Variants in FHIT observed in about 807,000 individuals in gnomAD.
FHIT encodes the protein fragile histidine triad diadenosine triphosphatase.
A neutral mutation model predicts 17.9 loss-of-function variants in FHIT; 19 were observed. The observed-to-expected ratio is 1.06, with a 90% CI of 0.74 to 1.56. The LOEUF (loss-of-function observed/expected upper bound fraction) is 1.56, where lower values mean the gene tolerates loss of function less well. Among genes scored for constraint, FHIT ranks in the 40% most tolerant of loss-of-function variants. The pLI is 0.00. For synonymous variants in FHIT, 81 were observed against 69.7 expected, an observed-to-expected ratio of 1.16 and a Z score of -0.81; for missense variants, 248 against 189.2, an observed-to-expected ratio of 1.31 and a Z score of -1.82.
intron 1 of FHIT, among the ~76,000 whole-genome samples, chr3:61,205,349 G>A (rs1003194231): frequency 6.6e-6 from 1 of 152,122 alleles, no homozygotes; most frequent in African/African-American, 2.4e-5. Flanking sequence ...TAATGAGATG[G>A]CTGAGTCAAA....
At position 60,734,124 on chromosome 3, in the gene FHIT, T is replaced by C. The variant is rs552946186; in HGVS notation, c.-18+87795A>G. Among the ~76,000 whole-genome samples, 39 of 152,292 alleles carry C rather than the reference T, an allele frequency of 2.6e-4. No homozygotes were observed. In the South Asian group the frequency reaches 6.2e-3, roughly 24 times the overall value. ...AAGATGTAAGCAGGGATGGAAAATA[T>C]ACAATGCAAGCGCCATTGTTTCACT... On this transcript the variant is annotated intron_variant, in intron 4 of 9. Coordinates refer to ENST00000492590, the MANE Select transcript of FHIT (RefSeq NM_002012.4).
chr3:60,488,563 TG>T (rs1321834866), intron 5 of FHIT, among the ~76,000 whole-genome samples: 6 of 152,110 alleles, frequency 3.9e-5, no homozygotes, highest in Admixed American at 3.9e-4. Context: ...TAGAAAGGTC[TG>T]GGGGCCATGA....
chr3:60,348,772 G>C (rs977786698), intron 5 of FHIT, among the ~76,000 whole-genome samples: 2 of 152,196 alleles, frequency 1.3e-5, no homozygotes, highest in Non-Finnish European at 2.9e-5. Flanking sequence ...AATGGACTTG[G>C]AAAGAGACTT....
Position 59,774,341 on chromosome 3 carries a change from G to C in FHIT, c.349-22020C>G, listed in dbSNP as rs75289336. On this transcript the variant is annotated intron_variant, in intron 8 of 9. Transcript: ENST00000492590. ...AATATTTACCATCTGGCCCTTTTTAGAGAAAGTATGCAGACCCCAGTCAAG... is the reference window on the plus strand; with the variant it reads ...AATATTTACCATCTGGCCCTTTTTACAGAAAGTATGCAGACCCCAGTCAAG... 3.8e-3 allele frequency among the ~76,000 whole-genome samples: 582 copies of C among 152,334 alleles called. 20 individuals are homozygous for C. In the East Asian group the frequency reaches 0.096, roughly 25 times the overall value.
At chr3:60,197,164 G>A (rs561671660) in intron 5 of FHIT, among the ~76,000 whole-genome samples, 1 of 152,136 alleles carries the variant, frequency 6.6e-6, no homozygotes, top group East Asian at 1.9e-4. Flanking sequence ...TGTCAGTCAT[G>A]ATTTCATAAA....
At chr3:60,539,115 T>C (rs962335809) in intron 4 of FHIT, among the ~76,000 whole-genome samples, 1 of 151,964 alleles carries the variant, frequency 6.6e-6, no homozygotes, top group African/African-American at 2.4e-5. Context: ...AACAACCCCA[T>C]CAACAAGTGG....
At chr3:60,720,020 C>G (rs1319735332) in intron 4 of FHIT, among the ~76,000 whole-genome samples, 2 of 152,180 alleles carry the variant, frequency 1.3e-5, no homozygotes, top group East Asian at 3.9e-4. Context: ...CTTCCATGAG[C>G]TCTCAAAATA....
At chr3:60,083,448 G>A (rs1432705699) in intron 5 of FHIT, among the ~76,000 whole-genome samples, 2 of 151,988 alleles carry the variant, frequency 1.3e-5, no homozygotes, top group Admixed American at 6.6e-5. Context: ...GCTCCTTTTT[G>A]GTTCCATGTG....
intron 3 of FHIT, among the ~76,000 whole-genome samples, chr3:61,001,763 T>C (rs531626990): frequency 9.2e-5 from 14 of 152,282 alleles, no homozygotes; most frequent in African/African-American, 3.1e-4. Context: ...ACACTTATGA[T>C]AAAATTGCGT....
intron 5 of FHIT, among the ~76,000 whole-genome samples, chr3:60,284,653 G>C (rs17062694): frequency 0.024 from 3,613 of 152,142 alleles, 69 homozygotes; most frequent in Middle Eastern, 0.071. Context: ...TGAAGAATGA[G>C]ACATTCCCAT....
At chr3:60,285,038 C>G (rs944598087) in intron 5 of FHIT, among the ~76,000 whole-genome samples, 4 of 152,094 alleles carry the variant, frequency 2.6e-5, no homozygotes, top group Non-Finnish European at 5.9e-5. Flanking sequence ...ACTAATCAGT[C>G]TTGTATAAAA....
intron 7 of FHIT, among the ~76,000 whole-genome samples, chr3:59,955,633 T>G (rs990769292): frequency 6.6e-6 from 1 of 152,132 alleles, no homozygotes; most frequent in Non-Finnish European, 1.5e-5. Flanking sequence ...AACTGAACTC[T>G]CCATTGCCCC....
chr3:60,376,020 T>C (rs1270353956), intron 5 of FHIT, among the ~76,000 whole-genome samples: 2 of 152,214 alleles, frequency 1.3e-5, no homozygotes, highest in Non-Finnish European at 2.9e-5. Context: ...ACGTGGTTAG[T>C]GGTTTCCATG....
intron 4 of FHIT, among the ~76,000 whole-genome samples, chr3:60,606,870 C>T (rs1187096663): frequency 1.3e-5 from 2 of 152,158 alleles, no homozygotes; most frequent in Admixed American, 6.5e-5. Flanking sequence ...ATTCTGTTAA[C>T]TCCCCGATAT....
chr3:60,508,402 A>G (rs1306843695), intron 5 of FHIT, among the ~76,000 whole-genome samples: 2 of 152,210 alleles, frequency 1.3e-5, no homozygotes, highest in African/African-American at 4.8e-5. Context: ...AAAATAACCC[A>G]TAATGGTAGG....
Position 60,994,280 on chromosome 3 carries a change from G to T in FHIT, c.-111+47767C>A, listed in dbSNP as rs1010967194. Among the ~76,000 whole-genome samples, 38 of 152,152 alleles carry T rather than the reference G, an allele frequency of 2.5e-4. 1 individual carries two copies. The highest frequency in any genetic ancestry group is 1.5e-5 in the Non-Finnish European group (1 of 68,024). ...TGAAAGCTAAGATTCTCTCCTTGTG[G>T]AAATGGGTAATTACAAGCCTAACAG... On this transcript the variant is annotated intron_variant, in intron 3 of 9. Coordinates refer to ENST00000492590, the MANE Select transcript of FHIT (RefSeq NM_002012.4).
rs147833367 is a variant in FHIT at position 60,580,528 on chromosome 3, GTA to G, written c.-17-43551_-17-43550del. Reference sequence around the variant, plus strand: ...TTTAATATTTCATCTCATTTTATCTGTATGGTTAATATTAATTTCCTTTTTGC... The same window carrying G: ...TTTAATATTTCATCTCATTTTATCTGTGGTTAATATTAATTTCCTTTTTGC... On this transcript the variant is annotated intron_variant, in intron 4 of 9. Transcript: ENST00000492590. Among the ~76,000 whole-genome samples the G allele has an allele frequency of 4.7e-3, 710 of 152,096 alleles. 8 individuals carry two copies. The highest frequency in any genetic ancestry group is 0.016 in the African/African-American group (660 of 41,504).
intron 5 of FHIT, among the ~76,000 whole-genome samples, chr3:60,199,544 T>C (rs1702802313): frequency 1.3e-5 from 2 of 152,008 alleles, no homozygotes; most frequent in Non-Finnish European, 1.5e-5. Context: ...GTGTGGGTGG[T>C]GGGAAAATGA....
At chr3:60,556,290 C>G (rs954968847) in intron 4 of FHIT, among the ~76,000 whole-genome samples, 3 of 152,128 alleles carry the variant, frequency 2.0e-5, no homozygotes, top group African/African-American at 7.2e-5. Context: ...CAAAGACAGA[C>G]CCAGATGCAG....
Sources: allele counts gnomAD v4.1 joint callset (sites outside exome capture counted in the v4.1 genomes callset), GRCh38; gene constraint gnomAD v4.1.1; transcripts MANE v1.5; gene names NCBI Gene and HGNC (gene_info 2026-07-23, HGNC 2026-07-21).